The following LHFPL3 variants were observed in gnomAD, a reference collection of about 807,000 sequenced individuals.
LHFPL3 encodes LHFPL tetraspan subfamily member 3 protein.
In LHFPL3, 5 loss-of-function variants were observed where a neutral mutation model predicts 19.3. The observed-to-expected ratio is 0.26, with a 90% CI of 0.14 to 0.54. LHFPL3 has a LOEUF of 0.54. Ranked by LOEUF, LHFPL3 falls within the 20% of genes least tolerant of loss-of-function variation. LHFPL3 has a pLI of 0.94. For missense variants in LHFPL3, 249 were observed against 307.4 expected (o/e 0.81, Z 1.42); for synonymous variants, 133 against 126.2 (o/e 1.05, Z -0.36).
At chr7:104,754,277 A>G (rs893241125) in intron 2 of LHFPL3, among the ~76,000 whole-genome samples, 1 of 152,270 alleles carries the variant, frequency 6.6e-6, no homozygotes, top group Non-Finnish European at 1.5e-5. Flanking sequence ...TAGATAAATT[A>G]GAAACAATGT....
At chr7:104,724,325 A>G (rs898457552) in intron 1 of LHFPL3, among the ~76,000 whole-genome samples, 14 of 152,190 alleles carry the variant, frequency 9.2e-5, no homozygotes, top group Non-Finnish European at 2.1e-4. Context: ...CCTTTCAGAA[A>G]CAGAATAAAA....
intron 1 of LHFPL3, among the ~76,000 whole-genome samples, chr7:104,426,210 C>T (rs1791840860): frequency 6.6e-6 from 1 of 152,074 alleles, no homozygotes; most frequent in East Asian, 1.9e-4. Flanking sequence ...ATAGGTAAAG[C>T]TTTGATTCTG....
chr7:104,612,886 G>A (rs1791237489), intron 1 of LHFPL3, among the ~76,000 whole-genome samples: 1 of 152,138 alleles, frequency 6.6e-6, no homozygotes, highest in Non-Finnish European at 1.5e-5. Flanking sequence ...ATTAATCATA[G>A]CCTCCTTGTT....
In LHFPL3 at chr7:104,570,813, T is replaced by C. The variant is rs114795684; in HGVS notation, c.446-165862T>C. Among the ~76,000 whole-genome samples, 366 of 152,324 alleles carry C rather than the reference T, an allele frequency of 2.4e-3. 4 individuals are homozygous for C. Among genetic ancestry groups the C allele is most frequent in the African/African-American group, 8.3e-3 (347 of 41,572 alleles). ...AATTAAGCCCAGTACCCAACAGTTA[T>C]CTTTTCTGCTCTTCTCCCCAATAGG... On this transcript the variant is annotated intron_variant, in intron 1 of 2. Transcript: ENST00000424859.
intron 2 of LHFPL3, among the ~76,000 whole-genome samples, chr7:104,832,750 G>C (rs2116562695): frequency 6.7e-6 from 1 of 149,338 alleles, no homozygotes; most frequent in South Asian, 2.1e-4. Context: ...GCTGAGGCAG[G>C]TGGATCACTT....
At chr7:104,549,371 C>A (rs1158752850) in intron 1 of LHFPL3, among the ~76,000 whole-genome samples, 1 of 150,886 alleles carries the variant, frequency 6.6e-6, no homozygotes, top group Non-Finnish European at 1.5e-5. Flanking sequence ...AATCATAATT[C>A]ATTGAAATAG....
chr7:104,636,165 G>A (rs1028657085), intron 1 of LHFPL3, among the ~76,000 whole-genome samples: 1 of 152,076 alleles, frequency 6.6e-6, no homozygotes, highest in Non-Finnish European at 1.5e-5. Context: ...TATATTGGGA[G>A]GAGAGGAAGA....
intron 1 of LHFPL3, chr7:104,669,449 C>A: frequency 6.2e-7 from 1 of 1,613,108 alleles, no homozygotes; most frequent in South Asian, 1.1e-5. Context: ...GATCAAGACT[C>A]CAGATCTGCA....
At chr7:104,430,452 ATATTTTTTTTTTTTTTTTT>A (rs1791976906) in intron 1 of LHFPL3, among the ~76,000 whole-genome samples, 1 of 19,338 alleles carries the variant, frequency 5.2e-5, no homozygotes, top group African/African-American at 3.0e-4. Context: ...ATATATATAT[ATATTTTTTTTTTTTTTTTT>A]TTTTTTTTTT....
chr7:104,862,350 C>T (rs150580011), intron 2 of LHFPL3, among the ~76,000 whole-genome samples: 52 of 152,278 alleles, frequency 3.4e-4, no homozygotes, highest in African/African-American at 1.0e-3. Flanking sequence ...ATCTTAGGAG[C>T]TACTACATAT....
chr7:104,869,936 T>C (rs1337103881), intron 2 of LHFPL3, among the ~76,000 whole-genome samples: 1 of 152,168 alleles, frequency 6.6e-6, no homozygotes, highest in Non-Finnish European at 1.5e-5. Flanking sequence ...TTCATGTCCT[T>C]TGTAGGGACA....
chr7:104,645,147 A>G (rs1174824240), intron 1 of LHFPL3, among the ~76,000 whole-genome samples: 3 of 152,178 alleles, frequency 2.0e-5, no homozygotes, highest in Admixed American at 1.3e-4. Flanking sequence ...CTTATTTCAC[A>G]TATGCATAGT....
intron 2 of LHFPL3, among the ~76,000 whole-genome samples, chr7:104,755,582 C>CCACACACACA (rs35584345): frequency 1.0e-4 from 15 of 150,594 alleles, no homozygotes; most frequent in South Asian, 2.1e-4. Flanking sequence ...CCCAACACCA[C>CCACACACACA]CACACACACA....
chr7:104,566,672 A>G (rs73409764), intron 1 of LHFPL3, among the ~76,000 whole-genome samples: 2,683 of 152,242 alleles, frequency 0.018, 72 homozygotes, highest in African/African-American at 0.061. Context: ...TTCTTTCCCA[A>G]TGATGAAACT....
chr7:104,589,540 T>A (rs1790661007), intron 1 of LHFPL3, among the ~76,000 whole-genome samples: 1 of 152,148 alleles, frequency 6.6e-6, no homozygotes, highest in Non-Finnish European at 1.5e-5. Context: ...ATTTTTGCAT[T>A]GATGTTCATC....
Position 104,347,430 on chromosome 7 carries a change from G to T in LHFPL3, c.445+18206G>T, listed in dbSNP as rs75107538. 0.015 allele frequency among the ~76,000 whole-genome samples: 2,216 copies of T among 152,136 alleles called. 89 individuals carry two copies. In the East Asian group the frequency reaches 0.17, roughly 12 times the overall value. On this transcript the variant is annotated intron_variant, in intron 1 of 2. Transcript: ENST00000424859. ...GGGTCCTCTTTTCACCCTCTTTTTG[G>T]AGTTAGGGATTGGGGCGCTGCAGAA... is the stretch of plus-strand genomic sequence containing the variant.
intron 1 of LHFPL3, among the ~76,000 whole-genome samples, chr7:104,524,685 G>A (rs1794150480): frequency 6.6e-6 from 1 of 152,132 alleles, no homozygotes; most frequent in Non-Finnish European, 1.5e-5. Context: ...TAATTTTGGA[G>A]CACTAATTAC....
At chr7:104,817,495 TC>T (rs1790577621) in intron 2 of LHFPL3, among the ~76,000 whole-genome samples, 2 of 152,344 alleles carry the variant, frequency 1.3e-5, no homozygotes, top group Non-Finnish European at 2.9e-5. Flanking sequence ...CTGGCATTCA[TC>T]CTTTTGCAAG....
intron 1 of LHFPL3, among the ~76,000 whole-genome samples, chr7:104,652,770 C>T (rs1792054973): frequency 6.6e-6 from 1 of 152,164 alleles, no homozygotes; most frequent in South Asian, 2.1e-4. Flanking sequence ...ACAGATTTTA[C>T]TCGGTAACTA....
Sources: gnomAD v4.1 joint callset for allele counts (sites outside exome capture counted in the v4.1 genomes callset) on GRCh38, gnomAD v4.1.1 for gene constraint, MANE v1.5 for transcripts, NCBI Gene and HGNC (gene_info 2026-07-23, HGNC 2026-07-21) for gene names.